The following MYEF2 variants were observed in gnomAD, a reference collection of about 807,000 sequenced individuals.
MYEF2 encodes myelin gene expression factor 2.
In MYEF2, 37 loss-of-function variants were observed where a neutral mutation model predicts 75.2. That is an observed-to-expected ratio of 0.49 (90% CI 0.38 to 0.65). MYEF2 has a LOEUF of 0.65. Among genes scored for constraint, MYEF2 ranks in the 30% least tolerant of loss-of-function variants. The pLI is 0.00. For missense variants in MYEF2, 634 were observed against 771.4 expected (o/e 0.82, Z 2.11); for synonymous variants, 195 against 241.6 (o/e 0.81, Z 1.79).
Position 48,154,815 on chromosome 15 carries a change from A to T in MYEF2, c.986-922T>A, listed in dbSNP as rs1251424573. Among the ~76,000 whole-genome samples the T allele has an allele frequency of 2.0e-5, 3 of 152,264 alleles. No homozygotes were observed. The East Asian group carries it at 5.8e-4, about 29-fold the overall frequency. On this transcript the variant is annotated intron_variant, in intron 9 of 16. Coordinates refer to ENST00000324324, the MANE Select transcript of MYEF2 (RefSeq NM_016132.5). Reference sequence around the variant, plus strand: ...GGAGTGATGACACAAGAAAATGGTAAATAACATTGTCTAATTTGCAGGACA... The same window carrying T: ...GGAGTGATGACACAAGAAAATGGTATATAACATTGTCTAATTTGCAGGACA...
chr15:48,164,506 T>C (rs950661745), intron 5 of MYEF2, among the ~76,000 whole-genome samples: 2 of 152,206 alleles, frequency 1.3e-5, no homozygotes, highest in African/African-American at 4.8e-5. Flanking sequence ...GAATATTATA[T>C]AAATTTAATT....
rs937940053 is a variant in MYEF2, at chr15:48,138,828, G to C, written c.*4080C>G. On this transcript the variant is annotated 3_prime_UTR_variant, in exon 17 of 17. Coordinates refer to ENST00000324324, the MANE Select transcript of MYEF2 (RefSeq NM_016132.5). ...TAGTTTCTTTTCACCAGCAATATCAGTAATGAGGTACTCAAATGTTTTAAA... is the reference window on the plus strand; with the variant it reads ...TAGTTTCTTTTCACCAGCAATATCACTAATGAGGTACTCAAATGTTTTAAA... 1.6e-6 allele frequency: 1 copy of C among 630,884 alleles called. No individual in the cohort carries two copies. The highest frequency in any genetic ancestry group is 3.0e-5 in the Admixed American group (1 of 33,828). The allele number at this position is 630,884 out of a possible 1,614,324, so 39.1% of individuals were successfully genotyped here. A position where few individuals can be genotyped will look rare whatever the true frequency, so the allele number is the denominator to read the frequency against.
Position 48,137,065 on chromosome 15 carries a change from G to C in MYEF2, c.*5843C>G, listed in dbSNP as rs1286906643. ...TATTGTGTGCTTTTTATGTAAAAAA[G>C]ACTGTGAAGACTCAGAAATGATAAA... On this transcript the variant is annotated 3_prime_UTR_variant, in exon 17 of 17. Transcript: ENST00000324324. 2 of 1,236,038 alleles carry C rather than the reference G, an allele frequency of 1.6e-6. No individual in the cohort carries two copies. Among genetic ancestry groups the C allele is most frequent in the Non-Finnish European group, 2.2e-6 (2 of 901,610 alleles). 76.6% of individuals were successfully genotyped at this position (1,236,038 alleles called of 1,614,324 possible).
intron 5 of MYEF2, among the ~76,000 whole-genome samples, chr15:48,162,404 T>C (rs972250824): frequency 3.9e-5 from 6 of 152,146 alleles, no homozygotes; most frequent in African/African-American, 1.4e-4. Flanking sequence ...GGTGCTATCA[T>C]TACTCCCATC....
chr15:48,136,564 T>C lies in MYEF2; in HGVS notation c.*6344A>G. 1.1e-6 allele frequency: 1 copy of C among 902,422 alleles called. No homozygotes were observed. The highest frequency in any genetic ancestry group is 2.1e-5 in the South Asian group (1 of 47,634). The allele number at this position is 902,422 out of a possible 1,614,324, so 55.9% of individuals were successfully genotyped here. A position where few individuals can be genotyped will look rare whatever the true frequency, so the allele number is the denominator to read the frequency against. On this transcript the variant is annotated 3_prime_UTR_variant, in exon 17 of 17. Coordinates refer to ENST00000324324, the MANE Select transcript of MYEF2 (RefSeq NM_016132.5). ...CTACAAAACAAAAAATATCTAGAAA[T>C]GTTTGATTGTTCTATGGCTACTTTT...
intron 9 of MYEF2, among the ~76,000 whole-genome samples, chr15:48,156,893 A>C (rs1445616349): frequency 6.6e-6 from 1 of 152,114 alleles, no homozygotes; most frequent in Non-Finnish European, 1.5e-5. Flanking sequence ...AAATTATTAA[A>C]ACCTAAATGA....
chr15:48,149,319 C>G lies in MYEF2; in HGVS notation c.1431G>C (p.Leu477=). The G allele has an allele frequency of 6.2e-7, 1 of 1,613,138 alleles. No homozygotes were observed. The highest frequency in any genetic ancestry group is 8.5e-7 in the Non-Finnish European group (1 of 1,179,326). The stretch of plus-strand genomic sequence containing the variant: ...TATCAAAGCTGGAACTCATCCGGTC[C>G]AGTCCCATCCCCATTCCTCCAGTCA... ...NSVTGGMGMG[L]DRMSSSFDRM... Residue 477 remains leucine (L), a synonymous_variant, in exon 15 of 17, where the codon CTG becomes CTC. Transcript: ENST00000324324. The surrounding 1 kb of genome is among the most constrained non-coding windows in gnomAD (Gnocchi z 4.0).
intron 5 of MYEF2, among the ~76,000 whole-genome samples, chr15:48,160,986 G>C (rs1460484796): frequency 6.6e-6 from 1 of 152,008 alleles, no homozygotes; most frequent in Non-Finnish European, 1.5e-5. Flanking sequence ...TAGGACAGTG[G>C]CTACCTATGG....
In MYEF2 at chr15:48,147,494, C is replaced by G. The variant is rs540396998; in HGVS notation, c.1639+1538G>C. Among the ~76,000 whole-genome samples, 4 of 151,728 alleles carry G rather than the reference C, an allele frequency of 2.6e-5. No individual in the cohort carries two copies. The South Asian group carries it at 8.3e-4, about 32-fold the overall frequency. On this transcript the variant is annotated intron_variant, in intron 16 of 16. Coordinates refer to ENST00000324324, the MANE Select transcript of MYEF2 (RefSeq NM_016132.5). ...ACAGATTATACTTGCTGCCACTGTTCCTCATTTGATGTATTTCACTAAGAC... is the reference window on the plus strand; with the variant it reads ...ACAGATTATACTTGCTGCCACTGTTGCTCATTTGATGTATTTCACTAAGAC...
intron 10 of MYEF2, chr15:48,153,224 AT>A (rs1368352864): frequency 2.1e-4 from 32 of 152,082 alleles, no homozygotes; most frequent in African/African-American, 6.5e-4. Flanking sequence ...TGAGTTTATC[AT>A]TTTTTAATAT....
At chr15:48,168,128 C>T (rs1051411831) in intron 2 of MYEF2, among the ~76,000 whole-genome samples, 1 of 151,966 alleles carries the variant, frequency 6.6e-6, no homozygotes, top group Middle Eastern at 3.2e-3. Flanking sequence ...GAAAACAAAA[C>T]TGCAACAGCA....
At chr15:48,153,632 T>A (rs1409415024) in intron 10 of MYEF2, 160 bp downstream of exon 10, 2 of 614,878 alleles carry the variant, frequency 3.3e-6, no homozygotes, top group East Asian at 5.7e-5. Context: ...TCATGTTAGC[T>A]GTGCTCAAGG....
At chr15:48,174,157 G>A (rs570944195) in intron 1 of MYEF2, among the ~76,000 whole-genome samples, 11 of 152,052 alleles carry the variant, frequency 7.2e-5, no homozygotes, top group African/African-American at 2.6e-4. Flanking sequence ...GACCAATGGA[G>A]CATAACAAAC....
At chr15:48,161,448 C>G (rs959606532) in intron 5 of MYEF2, among the ~76,000 whole-genome samples, 3 of 151,896 alleles carry the variant, frequency 2.0e-5, no homozygotes, top group African/African-American at 7.2e-5. Context: ...TTAGATATCC[C>G]AGGAAAGGGA....
chr15:48,167,492 A>G, intron 2 of MYEF2, 91 bp from the exon 3 acceptor site: 3 of 1,145,604 alleles, frequency 2.6e-6, no homozygotes, highest in Non-Finnish European at 3.9e-6. Context: ...ACAACTCTAC[A>G]GAGAAGCACC....
At chr15:48,147,240 A>G (rs2039318765) in intron 16 of MYEF2, among the ~76,000 whole-genome samples, 1 of 151,902 alleles carries the variant, frequency 6.6e-6, no homozygotes. Context: ...TGCCACTCCA[A>G]CCAGAAGCCC....
At position 48,136,790 on chromosome 15, in the gene MYEF2, C is replaced by A; in HGVS notation, c.*6118G>T. 1 of 1,613,792 alleles carries A rather than the reference C, an allele frequency of 6.2e-7. No homozygotes were observed. Among genetic ancestry groups the A allele is most frequent in the South Asian group, 1.1e-5 (1 of 91,074 alleles). ...ATAAAGAAATGCAGTCCTTGCTGCG[C>A]CTGTCTTGCCAAAGCTATGGAGAGA... On this transcript the variant is annotated 3_prime_UTR_variant, in exon 17 of 17. Transcript: ENST00000324324.
chr15:48,173,083 T>G (rs911077608), intron 1 of MYEF2, among the ~76,000 whole-genome samples: 6 of 152,142 alleles, frequency 3.9e-5, no homozygotes, highest in Admixed American at 1.3e-4. Flanking sequence ...TGATCACAGA[T>G]GTGAAAATTC....
chr15:48,153,782 G>C lies in MYEF2; in HGVS notation c.1087+10C>G. Reference sequence around the variant, plus strand: ...CATTTAAAAAGAAAAGAGGAAGTTAGAATACTCACCACCTGGACCTAAATT... The same window carrying C: ...CATTTAAAAAGAAAAGAGGAAGTTACAATACTCACCACCTGGACCTAAATT... On this transcript the variant is annotated intron_variant, in intron 10 of 16. Coordinates refer to ENST00000324324, the MANE Select transcript of MYEF2 (RefSeq NM_016132.5). 1 of 1,608,140 alleles carries C rather than the reference G, an allele frequency of 6.2e-7. No homozygotes were observed. Among genetic ancestry groups the C allele is most frequent in the Non-Finnish European group, 8.5e-7 (1 of 1,175,150 alleles).
Sources: gnomAD v4.1 joint callset for allele counts (sites outside exome capture counted in the v4.1 genomes callset) on GRCh38, gnomAD v4.1.1 for gene constraint, Gnocchi (gnomAD v3.1) non-coding constraint, MANE v1.5 for transcripts, NCBI Gene and HGNC (gene_info 2026-07-23, HGNC 2026-07-21) for gene names.